SUCLG2: variants seen among roughly 807,000 people sequenced by gnomAD.
SUCLG2 encodes the protein succinate-CoA ligase GDP-forming subunit beta.
In SUCLG2, 42 loss-of-function variants were observed where a neutral mutation model predicts 47.9. The observed-to-expected ratio is 0.88, with a 90% CI of 0.69 to 1.14. SUCLG2 has a LOEUF of 1.14. Ranked by LOEUF, SUCLG2 falls within the 50% of genes most tolerant of loss-of-function variation. The pLI is 0.00. For missense variants in SUCLG2, 571 were observed against 525.9 expected, an observed-to-expected ratio of 1.09 and a Z score of -0.84; for synonymous variants, 195 against 197.3, an observed-to-expected ratio of 0.99 and a Z score of 0.10.
intron 10 of SUCLG2, among the ~76,000 whole-genome samples, chr3:67,389,922 C>G (rs780508766): frequency 2.0e-5 from 3 of 152,156 alleles, no homozygotes; most frequent in Non-Finnish European, 2.9e-5. Flanking sequence ...CATTGTCTAG[C>G]TAGGGAGAGT....
chr3:67,557,277 G>A (rs961016520), intron 2 of SUCLG2, among the ~76,000 whole-genome samples: 1 of 152,102 alleles, frequency 6.6e-6, no homozygotes, highest in South Asian at 2.1e-4. Flanking sequence ...GACGTAACAT[G>A]GCTCTTAGCA....
At chr3:67,360,719 T>G in exon 11 of SUCLG2, 1 of 1,533,130 alleles carries the variant, frequency 6.5e-7, no homozygotes, top group Non-Finnish European at 8.7e-7. Flanking sequence ...TTGAATTTCC[T>G]GTTTCTTGTT....
chr3:67,508,325 CTCCCATT>C (rs1705693828), intron 7 of SUCLG2, among the ~76,000 whole-genome samples: 1 of 152,176 alleles, frequency 6.6e-6, no homozygotes, highest in African/African-American at 2.4e-5. Flanking sequence ...AAGTGTGTGG[CTCCCATT>C]TCTACACAAA....
rs202168086 is a variant in SUCLG2, at chr3:67,540,446, CAGAGCCCA to C, written c.227-11268_227-11261del. On this transcript the variant is annotated intron_variant, in intron 2 of 10. Coordinates refer to ENST00000307227, the MANE Select transcript of SUCLG2 (RefSeq NM_003848.4). ...AAGCTGCTTGGAAGTTCTGACTGGG[CAGAGCCCA>C]CCGCAGCGTGGCAAAGTCACTGTAG... 4.4e-3 allele frequency among the ~76,000 whole-genome samples: 664 copies of C among 152,222 alleles called. 6 individuals are homozygous for C. In the East Asian group the frequency reaches 0.052, roughly 12 times the overall value.
intron 9 of SUCLG2, among the ~76,000 whole-genome samples, chr3:67,466,342 CT>C (rs1704471779): frequency 6.6e-6 from 1 of 152,098 alleles, no homozygotes; most frequent in Non-Finnish European, 1.5e-5. Flanking sequence ...GAGAGTGAGA[CT>C]TTGTCTCAAA....
intron 9 of SUCLG2, among the ~76,000 whole-genome samples, chr3:67,484,941 T>C (rs375142027): frequency 1.3e-5 from 2 of 152,332 alleles, no homozygotes; most frequent in Admixed American, 6.5e-5. Context: ...TTGAGGATTC[T>C]AGCAAGAAAG....
intron 10 of SUCLG2, among the ~76,000 whole-genome samples, chr3:67,386,341 C>G (rs1386664708): frequency 1.3e-5 from 2 of 151,862 alleles, no homozygotes; most frequent in African/African-American, 4.8e-5. Context: ...CATTATCCAC[C>G]TGAATAACAG....
chr3:67,644,219 G>C (rs1051455354), intron 1 of SUCLG2, among the ~76,000 whole-genome samples: 15 of 151,848 alleles, frequency 9.9e-5, no homozygotes, highest in Non-Finnish European at 8.8e-5. Flanking sequence ...GCCAAAAAGG[G>C]AAAGCAACCC....
At chr3:67,565,529 A>G (rs1242177374) in intron 2 of SUCLG2, among the ~76,000 whole-genome samples, 1 of 152,242 alleles carries the variant, frequency 6.6e-6, no homozygotes, top group Non-Finnish European at 1.5e-5. Flanking sequence ...ACTGTGTAAC[A>G]TTGGCATATA....
At chr3:67,492,069 T>C (rs1705221061) in intron 9 of SUCLG2, among the ~76,000 whole-genome samples, 1 of 152,210 alleles carries the variant, frequency 6.6e-6, no homozygotes, top group African/African-American at 2.4e-5. Flanking sequence ...AGCACATTTC[T>C]TCCTAGATAT....
At chr3:67,643,491 C>A (rs568766570) in intron 1 of SUCLG2, among the ~76,000 whole-genome samples, 2 of 152,270 alleles carry the variant, frequency 1.3e-5, no homozygotes, top group African/African-American at 4.8e-5. Flanking sequence ...ATGGTGAAAC[C>A]ATTTCTGTCC....
At chr3:67,458,715 C>T (rs1335041782) in intron 9 of SUCLG2, among the ~76,000 whole-genome samples, 1 of 152,140 alleles carries the variant, frequency 6.6e-6, no homozygotes. Flanking sequence ...CCCAGGCCAT[C>T]TGAGTAACAG....
intron 9 of SUCLG2, among the ~76,000 whole-genome samples, chr3:67,428,667 C>T (rs1015444018): frequency 5.3e-5 from 8 of 152,098 alleles, no homozygotes; most frequent in East Asian, 1.9e-4. Flanking sequence ...TAAAGGAGGA[C>T]GTTCGAACCC....
intron 1 of SUCLG2, among the ~76,000 whole-genome samples, chr3:67,645,640 C>T (rs1701177324): frequency 6.6e-6 from 1 of 151,972 alleles, no homozygotes; most frequent in African/African-American, 2.4e-5. Flanking sequence ...TGATACATCA[C>T]TTTAAAAGAG....
At chr3:67,587,203 G>A (rs1708046446) in intron 2 of SUCLG2, among the ~76,000 whole-genome samples, 1 of 152,166 alleles carries the variant, frequency 6.6e-6, no homozygotes, top group South Asian at 2.1e-4. Context: ...GAGAGGCTGA[G>A]ACAGAACTGG....
intron 9 of SUCLG2, among the ~76,000 whole-genome samples, chr3:67,412,775 C>T (rs1474201658): frequency 1.3e-5 from 2 of 152,140 alleles, no homozygotes; most frequent in African/African-American, 2.4e-5. Flanking sequence ...TTCCTTTAAC[C>T]CCACATATAT....
intron 9 of SUCLG2, among the ~76,000 whole-genome samples, chr3:67,474,982 C>G (rs951757603): frequency 7.1e-6 from 1 of 141,270 alleles, no homozygotes; most frequent in South Asian, 2.3e-4. Flanking sequence ...CAGCTCCAAC[C>G]CTTATTTCCT....
At chr3:67,495,966 A>T (rs1575734928) in intron 8 of SUCLG2, 26 bp from the exon 9 acceptor site, 1 of 1,613,434 alleles carries the variant, frequency 6.2e-7, no homozygotes, top group Non-Finnish European at 8.5e-7. Flanking sequence ...GGGACACAAG[A>T]CAGGCTACAT....
At chr3:67,647,699 A>C (rs1489861732) in intron 1 of SUCLG2, among the ~76,000 whole-genome samples, 1 of 152,186 alleles carries the variant, frequency 6.6e-6, no homozygotes, top group Non-Finnish European at 1.5e-5. Context: ...AGGATGGTAC[A>C]ATTAAGCTCC....
Sources: allele counts gnomAD v4.1 joint callset (sites outside exome capture counted in the v4.1 genomes callset), GRCh38; gene constraint gnomAD v4.1.1; transcripts MANE v1.5; gene names NCBI Gene and HGNC (gene_info 2026-07-23, HGNC 2026-07-21).